The following TIAM1 variants were observed in gnomAD, a reference collection of about 807,000 sequenced individuals.
TIAM1 encodes TIAM Rac1 associated GEF 1.
TIAM1 carries 65 observed loss-of-function variants against 163.5 expected under a neutral mutation model. The observed-to-expected ratio is 0.40, with a 90% CI of 0.33 to 0.49. TIAM1 has a LOEUF of 0.49. Among genes scored for constraint, TIAM1 ranks in the 20% least tolerant of loss-of-function variants. TIAM1 has a pLI of 0.77. For missense variants in TIAM1, 1,789 were observed against 2,044.7 expected (o/e 0.87, Z 2.41); for synonymous variants, 833 against 810.1 (o/e 1.03, Z -0.48).
intron 2 of TIAM1, among the ~76,000 whole-genome samples, chr21:31,314,255 TAAG>T (rs2075030403): frequency 6.6e-6 from 1 of 152,176 alleles, no homozygotes; most frequent in Non-Finnish European, 1.5e-5. Flanking sequence ...ATATTTTTTT[TAAG>T]TTTTACTATC....
chr21:31,339,717 G>C (rs942984902), intron 1 of TIAM1, among the ~76,000 whole-genome samples: 10 of 152,050 alleles, frequency 6.6e-5, no homozygotes, highest in African/African-American at 2.4e-4. Flanking sequence ...TGGCTGCAAG[G>C]TACTAGAGGA....
Position 31,210,580 on chromosome 21 carries a change from AAGAAAGAAAGAAAG to A in TIAM1, c.2218-379_2218-366del, listed in dbSNP as rs1188775188. Among the ~76,000 whole-genome samples the A allele has an allele frequency of 1.2e-3, 142 of 122,270 alleles. 4 individuals carry two copies. The highest frequency in any genetic ancestry group is 4.7e-3 in the African/African-American group (116 of 24,534). The allele number at this position is 122,270 out of a possible 152,430, so 80.2% of individuals were successfully genotyped here. A position where few individuals can be genotyped will look rare whatever the true frequency, so the allele number is the denominator to read the frequency against. On this transcript the variant is annotated intron_variant, in intron 10 of 27. Coordinates refer to ENST00000541036, the MANE Select transcript of TIAM1 (RefSeq NM_001353694.2). The stretch of plus-strand genomic sequence containing the variant: ...AAAGAAAGAAAGAAAGAAAGAAAGA[AAGAAAGAAAGAAAG>A]AGAGAAAGAAGGAAGGAAGGGAGAA...
intron 6 of TIAM1, among the ~76,000 whole-genome samples, chr21:31,235,260 C>CA (rs2088687730): frequency 6.6e-6 from 1 of 150,858 alleles, no homozygotes; most frequent in African/African-American, 2.4e-5. Flanking sequence ...GCCTTCCTCC[C>CA]AAAAAAAGGG....
At chr21:31,176,390 T>C (rs2084766528) in intron 15 of TIAM1, among the ~76,000 whole-genome samples, 1 of 152,176 alleles carries the variant, frequency 6.6e-6, no homozygotes, top group African/African-American at 2.4e-5. Flanking sequence ...TTCCCTTTTT[T>C]TCCTACCAAT....
At chr21:31,351,364 TA>T (rs1186784354) in intron 2 of TIAM1, among the ~76,000 whole-genome samples, 1 of 152,186 alleles carries the variant, frequency 6.6e-6, no homozygotes, top group African/African-American at 2.4e-5. Context: ...TTACCTCCTT[TA>T]AAAAATATGT....
At chr21:31,452,628 A>G in intron 2 of TIAM1, 4 of 498,348 alleles carry the variant, frequency 8.0e-6, no homozygotes, top group Non-Finnish European at 1.5e-5. Context: ...TAAAAGACTT[A>G]TCCATAATAT....
intron 13 of TIAM1, among the ~76,000 whole-genome samples, chr21:31,194,490 TC>T (rs1373929596): frequency 2.6e-5 from 4 of 152,138 alleles, no homozygotes; most frequent in African/African-American, 9.7e-5. Flanking sequence ...AAAGAATAAT[TC>T]CTACATTACT....
chr21:31,134,398 T>G (rs1421364517), intron 23 of TIAM1, among the ~76,000 whole-genome samples: 1 of 152,096 alleles, frequency 6.6e-6, no homozygotes, highest in African/African-American at 2.4e-5. Context: ...CAAATACTAC[T>G]TCCCCCCTCC....
At chr21:31,186,377 T>A in intron 14 of TIAM1, among the ~76,000 whole-genome samples, 1 of 151,684 alleles carries the variant, frequency 6.6e-6, no homozygotes, top group East Asian at 1.9e-4. Context: ...TACAGAGGGG[T>A]CTTCCCCCAT....
At chr21:31,240,412 A>C (rs905562690) in intron 6 of TIAM1, among the ~76,000 whole-genome samples, 1 of 152,232 alleles carries the variant, frequency 6.6e-6, no homozygotes, top group Non-Finnish European at 1.5e-5. Context: ...GTGATATTTT[A>C]AATTGCTCTA....
At chr21:31,501,887 G>GC (rs34871360) in intron 1 of TIAM1, among the ~76,000 whole-genome samples, 152,350 of 152,350 alleles carry the variant, frequency 1, 76,175 homozygotes, top group Non-Finnish European at 1. Flanking sequence ...ACAGGCGTGA[G>GC]CACTGCGCCC....
intron 2 of TIAM1, among the ~76,000 whole-genome samples, chr21:31,322,114 T>G (rs745748663): frequency 2.0e-5 from 3 of 152,170 alleles, no homozygotes; most frequent in Non-Finnish European, 4.4e-5. Context: ...ATCATCTAAA[T>G]AGGAATAGTG....
rs146825629 is a variant in TIAM1, at chr21:31,266,311, C to T, written c.662G>A (p.Arg221Gln). The T allele has an allele frequency of 1.2e-5, 19 of 1,614,106 alleles. No homozygotes were observed. The highest frequency in any genetic ancestry group is 2.7e-5 in the African/African-American group (2 of 74,938). ...ARGMETRASPRQLSTCQRANS... is the reference protein window; with the variant it reads ...ARGMETRASPQQLSTCQRANS... ...GGCTCTCTGACAGGTGCTGAGCTGCCGCGGACTCGCCCGCGTTTCCATCCC... is the reference window on the plus strand; with the variant it reads ...GGCTCTCTGACAGGTGCTGAGCTGCTGCGGACTCGCCCGCGTTTCCATCCC... Residue 221 changes from arginine to glutamine, a missense_variant, in exon 4 of 28, where the codon CGG becomes CAG. This residue lies in a region of TIAM1 where 555 missense variants were observed against 564.9 expected (regional missense o/e 0.98). Coordinates refer to ENST00000541036, the MANE Select transcript of TIAM1 (RefSeq NM_001353694.2).
At chr21:31,524,956 A>G (rs1025316907) in intron 1 of TIAM1, among the ~76,000 whole-genome samples, 1 of 152,150 alleles carries the variant, frequency 6.6e-6, no homozygotes, top group African/African-American at 2.4e-5. Flanking sequence ...AGACTGTACA[A>G]GAAAAATGGC....
chr21:31,454,282 G>A (rs887523908), intron 2 of TIAM1, among the ~76,000 whole-genome samples: 10 of 152,186 alleles, frequency 6.6e-5, no homozygotes, highest in Non-Finnish European at 1.0e-4. Flanking sequence ...TTTACTGAAT[G>A]GTTCAAGGCA....
chr21:31,295,418 C>A (rs1231688087), intron 2 of TIAM1, among the ~76,000 whole-genome samples: 3 of 134,938 alleles, frequency 2.2e-5, no homozygotes, highest in East Asian at 4.8e-4. Flanking sequence ...TGCAGTGCGC[C>A]GAGATCACGC....
At chr21:31,282,286 G>A (rs1285585916) in intron 2 of TIAM1, among the ~76,000 whole-genome samples, 2 of 152,180 alleles carry the variant, frequency 1.3e-5, no homozygotes, top group African/African-American at 4.8e-5. Context: ...ATCCTTCCAC[G>A]GAGGCTCAGT....
intron 26 of TIAM1, among the ~76,000 whole-genome samples, chr21:31,126,568 A>G (rs901354766): frequency 2.6e-5 from 4 of 151,810 alleles, no homozygotes; most frequent in Admixed American, 6.6e-5. Context: ...CTCTGTTTCA[A>G]TAAATAAATA....
At chr21:31,453,826 T>G (rs927399337) in intron 2 of TIAM1, among the ~76,000 whole-genome samples, 9 of 151,802 alleles carry the variant, frequency 5.9e-5, no homozygotes, top group African/African-American at 2.2e-4. Flanking sequence ...GAAATAATTG[T>G]GCTACAAAGA....
Sources: allele counts gnomAD v4.1 joint callset (sites outside exome capture counted in the v4.1 genomes callset), GRCh38; gene constraint gnomAD v4.1.1; regional missense constraint gnomAD v4.1.1; transcripts MANE v1.5; gene names NCBI Gene and HGNC (gene_info 2026-07-23, HGNC 2026-07-21).